The following SCAI variants were observed in gnomAD, a reference collection of about 807,000 sequenced individuals.
SCAI encodes the protein suppressor of cancer cell invasion.
SCAI carries 24 observed loss-of-function variants against 92.2 expected under a neutral mutation model. The ratio of observed to expected loss-of-function variants is 0.26; its 90% CI spans 0.19 to 0.37. SCAI has a LOEUF of 0.37. Among genes scored for constraint, SCAI ranks in the 10% least tolerant of loss-of-function variants. The probability of loss-of-function intolerance (pLI) is 1.00; values close to 1 mark genes in which losing one functional copy is unlikely to be tolerated. For missense variants in SCAI, 450 were observed against 736.2 expected (o/e 0.61, Z 4.50); for synonymous variants, 261 against 258.6 (o/e 1.01, Z -0.09).
chr9:124,944,976 A>G lies in SCAI; in HGVS notation c.*7831T>C, dbSNP rs1354664338. ...TATTTCATTCTGAAAGTGATATCCT[A>G]TTAGCTTTCATTCCATAAGCCTAGG... On this transcript the variant is annotated 3_prime_UTR_variant, in exon 18 of 18. Transcript: ENST00000336505. 1.3e-5 allele frequency: 2 copies of G among 152,208 alleles called. No individual in the cohort carries two copies. The highest frequency in any genetic ancestry group is 1.9e-4 in the East Asian group (1 of 5,198). The allele number at this position is 152,208 out of a possible 1,614,324, so 9.4% of individuals were successfully genotyped here.
intron 13 of SCAI, among the ~76,000 whole-genome samples, chr9:124,995,307 GCAAA>G (rs1213247365): frequency 1.3e-5 from 2 of 152,020 alleles, no homozygotes; most frequent in East Asian, 3.9e-4. Flanking sequence ...TCAGAAGCTG[GCAAA>G]CAGATACCTG....
rs1435915114 is a variant in SCAI at position 124,946,329 on chromosome 9, C to G, written c.*6478G>C. 6.6e-6 allele frequency: 1 copy of G among 152,062 alleles called. No individual in the cohort carries two copies. 9.4% of individuals were successfully genotyped at this position (152,062 alleles called of 1,614,324 possible). A position where few individuals can be genotyped will look rare whatever the true frequency, so the allele number is the denominator to read the frequency against. ...GAATTTAATACTATAATTGAAAAGTCTTATGAATAGTTGGCTGTTTTATTT... is the reference window on the plus strand; with the variant it reads ...GAATTTAATACTATAATTGAAAAGTGTTATGAATAGTTGGCTGTTTTATTT... On this transcript the variant is annotated 3_prime_UTR_variant, in exon 18 of 18. Transcript: ENST00000336505. The surrounding 1 kb of genome is among the most constrained non-coding windows in gnomAD (Gnocchi z 4.0).
chr9:125,009,981 T>A (rs1832596761), intron 9 of SCAI, among the ~76,000 whole-genome samples: 2 of 152,010 alleles, frequency 1.3e-5, no homozygotes, highest in Admixed American at 1.3e-4. Context: ...GATCACGAGG[T>A]CAGGAGACCA....
rs143559382 is a variant in SCAI, at chr9:124,982,605, G to A, written c.1327-6419C>T. Among the ~76,000 whole-genome samples the A allele has an allele frequency of 1.6e-3, 241 of 151,106 alleles. 1 individual carries two copies. Among genetic ancestry groups the A allele is most frequent in the South Asian group, 0.012 (56 of 4,776 alleles). ...TGAGGCAGGAGACTCACTTGAACCCGGGAGGCAGAGGTTGCAGTGAGCTGA... is the reference window on the plus strand; with the variant it reads ...TGAGGCAGGAGACTCACTTGAACCCAGGAGGCAGAGGTTGCAGTGAGCTGA... On this transcript the variant is annotated intron_variant, in intron 14 of 17. Coordinates refer to ENST00000336505, the MANE Select transcript of SCAI (RefSeq NM_001144877.3).
rs1939496912 is a variant in SCAI, at chr9:124,970,810, CTTTTA to C, written c.1674+555_1674+559del. 1.3e-5 allele frequency among the ~76,000 whole-genome samples: 2 copies of C among 151,904 alleles called. 1 individual carries two copies. The highest frequency in any genetic ancestry group is 4.2e-4 in the South Asian group (2 of 4,810). On this transcript the variant is annotated intron_variant, in intron 17 of 17. Transcript: ENST00000336505. ...TCAGGGATGTATTGAAAATGTTCTA[CTTTTA>C]TTTTTTTTAATTTTTTGAGTTGGAG...
intron 3 of SCAI, among the ~76,000 whole-genome samples, chr9:125,053,469 A>T (rs1326091690): frequency 6.6e-6 from 1 of 152,264 alleles, no homozygotes; most frequent in Non-Finnish European, 1.5e-5. Flanking sequence ...TTACAATGGA[A>T]TATTAATCAC....
intron 3 of SCAI, among the ~76,000 whole-genome samples, chr9:125,052,592 C>T (rs1833581606): frequency 6.6e-6 from 1 of 151,818 alleles, no homozygotes; most frequent in South Asian, 2.1e-4. Context: ...CATCACACTC[C>T]AGCCTGGGGG....
chr9:125,094,925 G>A (rs10986559), intron 2 of SCAI, among the ~76,000 whole-genome samples: 35,576 of 151,966 alleles, frequency 0.23, 4,689 homozygotes, highest in Non-Finnish European at 0.3. Context: ...TACTGATAAA[G>A]GAATAAAAGA....
At chr9:125,122,787 TC>T (rs1313834897) in intron 2 of SCAI, among the ~76,000 whole-genome samples, 2 of 151,966 alleles carry the variant, frequency 1.3e-5, no homozygotes, top group African/African-American at 4.8e-5. Flanking sequence ...GTGACAGTGG[TC>T]CCAGCTACTT....
chr9:125,113,119 C>T (rs1481001240), intron 2 of SCAI, among the ~76,000 whole-genome samples: 7 of 152,160 alleles, frequency 4.6e-5, no homozygotes, highest in Non-Finnish European at 8.8e-5. Flanking sequence ...GCAATGACTT[C>T]CTTCCAAAGA....
At chr9:124,989,266 T>C (rs1012751788) in intron 14 of SCAI, among the ~76,000 whole-genome samples, 1 of 152,142 alleles carries the variant, frequency 6.6e-6, no homozygotes, top group East Asian at 1.9e-4. Context: ...GAAAACAGAA[T>C]TAGAATGCTT....
chr9:125,079,013 T>C (rs1054805965), intron 2 of SCAI, among the ~76,000 whole-genome samples: 1 of 152,212 alleles, frequency 6.6e-6, no homozygotes, highest in Non-Finnish European at 1.5e-5. Context: ...GCTTGATTCA[T>C]CTATTTTTGA....
At chr9:125,057,956 T>C (rs1237331343) in intron 2 of SCAI, among the ~76,000 whole-genome samples, 1 of 151,812 alleles carries the variant, frequency 6.6e-6, no homozygotes, top group African/African-American at 2.4e-5. Context: ...TAGCCAGATG[T>C]GGTGGCAGGT....
intron 2 of SCAI, among the ~76,000 whole-genome samples, chr9:125,097,185 C>A (rs1479605973): frequency 1.3e-5 from 2 of 152,186 alleles, no homozygotes; most frequent in Non-Finnish European, 2.9e-5. Flanking sequence ...GTAATCCCAG[C>A]ACTTTGGGAG....
intron 2 of SCAI, among the ~76,000 whole-genome samples, chr9:125,106,122 A>AAAAT (rs1554791724): frequency 5.6e-4 from 5 of 8,864 alleles, no homozygotes; most frequent in African/African-American, 9.2e-4. Flanking sequence ...AAAAAAAAAA[A>AAAAT]ATATATATAT....
At chr9:125,077,828 C>T (rs1293374552) in intron 2 of SCAI, among the ~76,000 whole-genome samples, 3 of 152,114 alleles carry the variant, frequency 2.0e-5, no homozygotes, top group African/African-American at 4.8e-5. Context: ...AAGCTATTCT[C>T]GTGCCTCGGC....
chr9:125,042,638 C>CGTGTGTGTGTGTGTGTGT (rs1564390399), intron 3 of SCAI, among the ~76,000 whole-genome samples: 1 of 73,552 alleles, frequency 1.4e-5, no homozygotes, highest in African/African-American at 4.8e-5. Flanking sequence ...TGTGTGTACA[C>CGTGTGTGTGTGTGTGTGT]ACACACACAC....
chr9:125,091,147 C>A lies in SCAI; in HGVS notation c.99-35140G>T, dbSNP rs971982198. Reference sequence around the variant, plus strand: ...AAAGAAAGGACAGGTTCATAACTCACTCCAACAGATGCAATACCAGGGTTC... The same window carrying A: ...AAAGAAAGGACAGGTTCATAACTCAATCCAACAGATGCAATACCAGGGTTC... On this transcript the variant is annotated intron_variant, in intron 2 of 17. Coordinates refer to ENST00000336505, the MANE Select transcript of SCAI (RefSeq NM_001144877.3). The surrounding 1 kb of genome is among the most constrained non-coding windows in gnomAD (Gnocchi z 4.3). Among the ~76,000 whole-genome samples the A allele has an allele frequency of 2.6e-5, 4 of 152,158 alleles. No homozygotes were observed. The highest frequency in any genetic ancestry group is 9.7e-5 in the African/African-American group (4 of 41,426).
intron 2 of SCAI, among the ~76,000 whole-genome samples, chr9:125,075,425 C>G (rs1480548257): frequency 7.0e-6 from 1 of 143,582 alleles, no homozygotes; most frequent in African/African-American, 2.6e-5. Context: ...TTTTTTTTTT[C>G]TGAGACAGCT....
Sources: allele counts gnomAD v4.1 joint callset (sites outside exome capture counted in the v4.1 genomes callset), GRCh38; gene constraint gnomAD v4.1.1; non-coding constraint Gnocchi (gnomAD v3.1); transcripts MANE v1.5; gene names NCBI Gene and HGNC (gene_info 2026-07-23, HGNC 2026-07-21).